Variants in TIMELESS observed in about 807,000 individuals in gnomAD.
TIMELESS encodes the protein timeless circadian regulator, also known as protein timeless homolog.
Under a neutral mutation model 164.3 loss-of-function variants are expected in TIMELESS, and 124 were observed. The observed-to-expected ratio is 0.75, with a 90% CI of 0.65 to 0.88. The LOEUF is 0.88. Among genes scored for constraint, TIMELESS ranks in the 40% least tolerant of loss-of-function variants. TIMELESS has a pLI of 0.00. For missense variants in TIMELESS, 1,422 were observed against 1,491.4 expected, an observed-to-expected ratio of 0.95 and a Z score of 0.77; for synonymous variants, 564 against 563.4, an observed-to-expected ratio of 1.00 and a Z score of -0.02.
At chr12:56,422,234 C>CA (rs780102089) in intron 19 of TIMELESS, 43 bp from the exon 20 acceptor site, 17 of 1,579,700 alleles carry the variant, frequency 1.1e-5, no homozygotes, top group Admixed American at 1.0e-4. Context: ...GTTCTTGGCC[C>CA]AAAAAGAGGA....
intron 13 of TIMELESS, 47 bp from the exon 14 acceptor site, chr12:56,425,199 C>CCT (rs1555177115): frequency 6.4e-7 from 1 of 1,557,998 alleles, no homozygotes; most frequent in Non-Finnish European, 8.6e-7. Flanking sequence ...CTAAAGAGGG[C>CCT]TTTCCCCATC....
Position 56,428,870 on chromosome 12 carries a change from C to T in TIMELESS, c.1304+13G>A, listed in dbSNP as rs770504594. On this transcript the variant is annotated intron_variant, in intron 11 of 28. Coordinates refer to ENST00000553532, the MANE Select transcript of TIMELESS (RefSeq NM_003920.5). ...CCCTAGCTCACTGTATCTCCAGTAA[C>T]CATCCCACTCACCGGCGTGCCCAGG... The T allele has an allele frequency of 3.7e-6, 6 of 1,612,042 alleles. No homozygotes were observed. The South Asian group carries it at 5.5e-5, about 15-fold the overall frequency.
intron 1 of TIMELESS, among the ~76,000 whole-genome samples, chr12:56,446,358 C>T (rs1051035372): frequency 2.0e-5 from 3 of 152,190 alleles, no homozygotes. Context: ...CCCTTTGGTA[C>T]TATTTGAATT....
intron 11 of TIMELESS, 29 bp from the exon 12 acceptor site, chr12:56,428,681 G>T (rs1488684122): frequency 6.3e-7 from 1 of 1,599,094 alleles, no homozygotes; most frequent in South Asian, 1.1e-5. Flanking sequence ...CGGTGAAATG[G>T]AGGACAGCTT....
rs763401452 is a variant in TIMELESS at position 56,428,564 on chromosome 12, T to G, written c.1393A>C (p.Ser465Arg). The G allele has an allele frequency of 1.9e-5, 31 of 1,613,976 alleles. No homozygotes were observed. The highest frequency in any genetic ancestry group is 2.6e-5 in the Non-Finnish European group (31 of 1,179,994). ...ISPDEAVRES[S>R]RIIKNNIFYV... ...AGGGCCTCACTCTTGATGATGCGGC[T>G]GCTCTCCCTCACAGCCTCATCTGGA... The change falls in exon 12 of 29, where the codon AGC becomes CGC. Residue 465 changes from serine to arginine, a missense_variant. Ser to Arg is a moderately radical substitution (Grantham distance 110). Coordinates refer to ENST00000553532, the MANE Select transcript of TIMELESS (RefSeq NM_003920.5).
chr12:56,421,455 G>A lies in TIMELESS; in HGVS notation c.2764C>T (p.Arg922Cys), dbSNP rs554407178. The change falls in exon 23 of 29, where the codon CGC (arginine) becomes TGC (cysteine). Residue 922 changes from arginine (R) to cysteine (C), a missense_variant. Coordinates refer to ENST00000553532, the MANE Select transcript of TIMELESS (RefSeq NM_003920.5). ...TTATCCACTATTCGGGCCCGTGAGC[G>A]TTTGGCTGTGATATTCTTCATGATA... ...GHIMKNITAK[R>C]SRARIVDKLL... 2.4e-5 allele frequency: 38 copies of A among 1,614,046 alleles called. No individual in the cohort carries two copies. Among genetic ancestry groups the A allele is most frequent in the Admixed American group, 2.0e-4 (12 of 59,994 alleles).
Position 56,432,350 on chromosome 12 carries a change from C to T in TIMELESS, c.687+19G>A. On this transcript the variant is annotated intron_variant, in intron 7 of 28. Transcript: ENST00000553532. ...AGTACATGGGCGGAGGGGACTCGGG[C>T]AATAGGCCAGGGTCTCACCTGGTCA... The T allele has an allele frequency of 6.2e-7, 1 of 1,602,182 alleles. No homozygotes were observed. Among genetic ancestry groups the T allele is most frequent in the Non-Finnish European group, 8.5e-7 (1 of 1,170,414 alleles).
intron 1 of TIMELESS, among the ~76,000 whole-genome samples, chr12:56,442,148 T>C (rs1366573710): frequency 5.1e-5 from 6 of 118,308 alleles, no homozygotes; most frequent in Admixed American, 5.1e-4. Flanking sequence ...GAACAAACAA[T>C]GTAAAAGATA....
At chr12:56,420,048 A>ATATATATATATATATATATATGTGTG (rs1473074484) in intron 26 of TIMELESS, among the ~76,000 whole-genome samples, 4 of 87,342 alleles carry the variant, frequency 4.6e-5, no homozygotes, top group East Asian at 2.8e-4. Flanking sequence ...ATATATATAT[A>ATATATATATATATATATATATGTGTG]TGTGTGTGTG....
chr12:56,428,199 C>T, intron 13 of TIMELESS, 37 bp downstream of exon 13: 1 of 1,541,120 alleles, frequency 6.5e-7, no homozygotes, highest in African/African-American at 1.4e-5. Context: ...TTGACTCTCC[C>T]TTACAGCTCT....
chr12:56,436,446 T>C (rs1447337437), intron 1 of TIMELESS, among the ~76,000 whole-genome samples: 1 of 152,018 alleles, frequency 6.6e-6, no homozygotes, highest in Non-Finnish European at 1.5e-5. Context: ...AGAGCAAGAC[T>C]CCATCTCAAA....
In TIMELESS at chr12:56,429,234, T is replaced by C. The variant is rs142717965; in HGVS notation, c.1087-134A>G. 1.7e-3 allele frequency: 1,294 copies of C among 746,978 alleles called. 12 individuals are homozygous for C. The African/African-American group carries it at 0.019, about 11-fold the overall frequency. The allele number at this position is 746,978 out of a possible 1,614,324, so 46.3% of individuals were successfully genotyped here. A position where few individuals can be genotyped will look rare whatever the true frequency, so the allele number is the denominator to read the frequency against. ...TTTTTTTTGAGGCGGAGTCTCACTC[T>C]ATTGCCCAGGCTGGAGTGCAATGGC... On this transcript the variant is annotated intron_variant, in intron 10 of 28. Transcript: ENST00000553532.
chr12:56,445,820 A>G (rs1326298795), intron 1 of TIMELESS, among the ~76,000 whole-genome samples: 1 of 152,028 alleles, frequency 6.6e-6, no homozygotes, highest in African/African-American at 2.4e-5. Context: ...CTATCCTTCT[A>G]TCCCAATTGC....
At chr12:56,425,716 A>C (rs1881655032) in intron 13 of TIMELESS, among the ~76,000 whole-genome samples, 1 of 151,960 alleles carries the variant, frequency 6.6e-6, no homozygotes, top group Admixed American at 6.6e-5. Flanking sequence ...GTCTACAAAA[A>C]ATACAAAAAT....
rs750253289 is a variant in TIMELESS at position 56,423,837 on chromosome 12, CTCT to C, written c.1923_1925del (p.Glu642del). ...AGAGGATTTGTTTCAGCAACTGGAT[CTCT>C]TCCTCTGGAGAAATGTCTTGAGAGC... On this transcript the variant is annotated inframe_deletion, in exon 16 of 29. Coordinates refer to ENST00000553532, the MANE Select transcript of TIMELESS (RefSeq NM_003920.5). 5.6e-6 allele frequency: 9 copies of C among 1,614,098 alleles called. No individual in the cohort carries two copies. The highest frequency in any genetic ancestry group is 1.1e-5 in the South Asian group (1 of 91,090).
At position 56,429,084 on chromosome 12, in the gene TIMELESS, T is replaced by C; in HGVS notation, c.1103A>G (p.Glu368Gly). Residue 368 changes from glutamate (E) to glycine (G), a missense_variant, in exon 11 of 29, where the codon GAG becomes GGG. Physicochemically the swap from Glu to Gly is moderately conservative, Grantham distance 98. Coordinates refer to ENST00000553532, the MANE Select transcript of TIMELESS (RefSeq NM_003920.5). ...MGSVKDHLLR[E>G]KAQQHDETYY... ...GGTCTCATCATGCTGCTGAGCTTTCTCCCGAAGCAGGTGATCCTGACATTT... is the reference window on the plus strand; with the variant it reads ...GGTCTCATCATGCTGCTGAGCTTTCCCCCGAAGCAGGTGATCCTGACATTT... 1 of 1,613,566 alleles carries C rather than the reference T, an allele frequency of 6.2e-7. No homozygotes were observed. Among genetic ancestry groups the C allele is most frequent in the South Asian group, 1.1e-5 (1 of 91,054 alleles).
intron 8 of TIMELESS, 104 bp from the exon 9 acceptor site, chr12:56,431,072 G>C (rs1437629461): frequency 2.7e-6 from 2 of 751,268 alleles, no homozygotes; most frequent in East Asian, 3.1e-5. Flanking sequence ...ACAAAATGTT[G>C]GTCGGGCACG....
rs189067109 is a variant in TIMELESS at position 56,419,794 on chromosome 12, T to G, written c.3228+775A>C. Reference sequence around the variant, plus strand: ...ATTAAAAAAAAATAACAATACAACATTAAACAATAATACACAGCCTGGGCA... The same window carrying G: ...ATTAAAAAAAAATAACAATACAACAGTAAACAATAATACACAGCCTGGGCA... On this transcript the variant is annotated intron_variant, in intron 26 of 28. Transcript: ENST00000553532. 2.0e-5 allele frequency among the ~76,000 whole-genome samples: 3 copies of G among 151,188 alleles called. No homozygotes were observed. In the East Asian group the frequency reaches 5.8e-4, roughly 29 times the overall value.
At position 56,433,229 on chromosome 12, in the gene TIMELESS, A is replaced by G. The variant is rs1012064343; in HGVS notation, c.430-102T>C. The G allele has an allele frequency of 2.1e-6, 3 of 1,417,814 alleles. No homozygotes were observed. The African/African-American group carries it at 4.2e-5, about 20-fold the overall frequency. 87.8% of individuals were successfully genotyped at this position (1,417,814 alleles called of 1,614,324 possible). A position where few individuals can be genotyped will look rare whatever the true frequency, so the allele number is the denominator to read the frequency against. On this transcript the variant is annotated intron_variant, in intron 5 of 28. Coordinates refer to ENST00000553532, the MANE Select transcript of TIMELESS (RefSeq NM_003920.5). ...ATAGAAGAGAAGCAGGATTAAAAAG[A>G]AAGAGTTCAAACAGTACTGAGGCAG...
Sources: allele counts gnomAD v4.1 joint callset (sites outside exome capture counted in the v4.1 genomes callset), GRCh38; gene constraint gnomAD v4.1.1; transcripts MANE v1.5; gene names NCBI Gene and HGNC (gene_info 2026-07-23, HGNC 2026-07-21).